SGMS1: variants seen among roughly 807,000 people sequenced by gnomAD.
SGMS1 encodes the protein sphingomyelin synthase 1.
SGMS1 carries 13 observed loss-of-function variants against 46.2 expected under a neutral mutation model. That is an observed-to-expected ratio of 0.28 (90% CI 0.18 to 0.45). The LOEUF (loss-of-function observed/expected upper bound fraction) is 0.45, where lower values mean the gene tolerates loss of function less well. Among genes scored for constraint, SGMS1 ranks in the 20% least tolerant of loss-of-function variants. SGMS1 has a pLI of 1.00. For synonymous variants in SGMS1, 203 were observed against 187.8 expected, an observed-to-expected ratio of 1.08 and a Z score of -0.66; for missense variants, 324 against 519.9, an observed-to-expected ratio of 0.62 and a Z score of 3.66.
At chr10:50,347,153 C>A (rs1402833330) in intron 6 of SGMS1, among the ~76,000 whole-genome samples, 1 of 152,164 alleles carries the variant, frequency 6.6e-6, no homozygotes, top group East Asian at 1.9e-4. Context: ...TGTCTAGACT[C>A]CCCAAAGAGC....
Position 50,307,144 on chromosome 10 carries a change from A to G in SGMS1, c.1240T>C (p.Ter414GlnextTer25). Reference sequence around the variant, plus strand: ...CTTTTCCCCACTTTGTACAGCTGTTATGTGTCATTCACCAGCCGGCTGTAT... The same window carrying G: ...CTTTTCCCCACTTTGTACAGCTGTTGTGTGTCATTCACCAGCCGGCTGTAT... The part of the protein sequence containing the change: ...VKYSRLVNDT[*>Q] Residue 414 changes from the stop codon to glutamine (Q), a stop_lost, in exon 11 of 11, where the codon TAA becomes CAA. Transcript: ENST00000361781. The surrounding 1 kb of genome is among the most constrained non-coding windows in gnomAD (Gnocchi z 4.2). 6.2e-7 allele frequency: 1 copy of G among 1,613,750 alleles called. No individual in the cohort carries two copies. Among genetic ancestry groups the G allele is most frequent in the Non-Finnish European group, 8.5e-7 (1 of 1,179,868 alleles).
chr10:50,477,736 A>C (rs1837440286), intron 3 of SGMS1, among the ~76,000 whole-genome samples: 1 of 152,054 alleles, frequency 6.6e-6, no homozygotes, highest in Admixed American at 6.6e-5. Flanking sequence ...TAGAGTTCTC[A>C]CAAGATCTGC....
intron 8 of SGMS1, among the ~76,000 whole-genome samples, chr10:50,323,824 C>T (rs532974662): frequency 2.4e-4 from 36 of 152,280 alleles, no homozygotes; most frequent in Non-Finnish European, 1.5e-5. Context: ...AAGTCTGTTT[C>T]TTCCTCTCCA....
At chr10:50,322,232 CTT>C (rs902901827) in intron 8 of SGMS1, among the ~76,000 whole-genome samples, 2 of 152,168 alleles carry the variant, frequency 1.3e-5, no homozygotes, top group African/African-American at 4.8e-5. Flanking sequence ...TACTCTCTCT[CTT>C]CTCAAAGGTT....
intron 2 of SGMS1, among the ~76,000 whole-genome samples, chr10:50,574,963 G>GTA (rs143713324): frequency 0.026 from 2,605 of 99,838 alleles, 123 homozygotes; most frequent in African/African-American, 0.063. Flanking sequence ...AAAATGTGGT[G>GTA]TATATATATA....
intron 6 of SGMS1, among the ~76,000 whole-genome samples, chr10:50,423,134 G>T (rs993351641): frequency 1.3e-5 from 2 of 152,224 alleles, no homozygotes; most frequent in Non-Finnish European, 2.9e-5. Flanking sequence ...CAAAAGCAAG[G>T]TGAGCCACAT....
rs572063476 is a variant in SGMS1, at chr10:50,583,397, C to A, written c.-589+6756G>T. 1.2e-4 allele frequency among the ~76,000 whole-genome samples: 18 copies of A among 152,292 alleles called. 1 individual carries two copies. In the South Asian group the frequency reaches 2.9e-3, roughly 25 times the overall value. Reference sequence around the variant, plus strand: ...GATTCACCCTTGGAGGGAACCATTCCCAGCTATCATCAGTTCATGCTTCAC... The same window carrying A: ...GATTCACCCTTGGAGGGAACCATTCACAGCTATCATCAGTTCATGCTTCAC... On this transcript the variant is annotated intron_variant, in intron 2 of 10. Transcript: ENST00000361781.
chr10:50,310,686 T>A (rs1847239949), intron 9 of SGMS1, among the ~76,000 whole-genome samples: 1 of 152,212 alleles, frequency 6.6e-6, no homozygotes, highest in South Asian at 2.1e-4. Flanking sequence ...ATATATTAAA[T>A]CTGAGCCATG....
intron 7 of SGMS1, among the ~76,000 whole-genome samples, chr10:50,328,306 C>T (rs1847561627): frequency 6.6e-6 from 1 of 152,164 alleles, no homozygotes; most frequent in African/African-American, 2.4e-5. Context: ...TGTGGGTCTC[C>T]TCTTCCTTAA....
chr10:50,600,385 A>C (rs1191817788), intron 1 of SGMS1, among the ~76,000 whole-genome samples: 1 of 152,210 alleles, frequency 6.6e-6, no homozygotes, highest in Non-Finnish European at 1.5e-5. Context: ...GGGGACAATC[A>C]CATTCTCCAT....
chr10:50,444,832 C>A (rs534679266), intron 5 of SGMS1, among the ~76,000 whole-genome samples: 3 of 152,080 alleles, frequency 2.0e-5, no homozygotes, highest in African/African-American at 7.2e-5. Context: ...ATGAGGTAGA[C>A]AAAATACTAC....
chr10:50,353,929 T>C (rs1210064405), intron 6 of SGMS1, among the ~76,000 whole-genome samples: 2 of 151,998 alleles, frequency 1.3e-5, no homozygotes, highest in African/African-American at 2.4e-5. Context: ...CACTGCTCAA[T>C]GAAATAAAAG....
intron 2 of SGMS1, among the ~76,000 whole-genome samples, chr10:50,573,544 T>C (rs1242910200): frequency 6.6e-6 from 1 of 152,154 alleles, no homozygotes; most frequent in South Asian, 2.1e-4. Context: ...ATTTCGTGTA[T>C]TCATGGATAG....
At chr10:50,381,236 T>C (rs1848600808) in intron 6 of SGMS1, among the ~76,000 whole-genome samples, 1 of 148,884 alleles carries the variant, frequency 6.7e-6, no homozygotes, top group Admixed American at 6.7e-5. Context: ...TCCCATGGTA[T>C]ATGAAAAAGT....
intron 6 of SGMS1, among the ~76,000 whole-genome samples, chr10:50,390,636 T>G (rs1299415323): frequency 2.0e-5 from 3 of 148,958 alleles, no homozygotes; most frequent in Non-Finnish European, 4.5e-5. Context: ...AGACCCTGCC[T>G]CTTAAGAAAA....
At chr10:50,550,695 C>T (rs567419852) in intron 2 of SGMS1, among the ~76,000 whole-genome samples, 1 of 152,286 alleles carries the variant, frequency 6.6e-6, no homozygotes, top group African/African-American at 2.4e-5. Context: ...CCTTTGACAA[C>T]TTTTACCTCT....
intron 8 of SGMS1, among the ~76,000 whole-genome samples, chr10:50,319,307 C>CT (rs555003803): frequency 6.6e-6 from 1 of 152,124 alleles, no homozygotes; most frequent in Admixed American, 6.5e-5. Context: ...CTTTCTCTCA[C>CT]TTTTTTTCCT....
chr10:50,477,988 CAG>C (rs1398278155), intron 3 of SGMS1, among the ~76,000 whole-genome samples: 1 of 152,150 alleles, frequency 6.6e-6, no homozygotes, highest in Non-Finnish European at 1.5e-5. Flanking sequence ...GCAAATCAGA[CAG>C]AGTGATACAG....
Position 50,385,765 on chromosome 10 carries a change from C to T in SGMS1, c.-231-41420G>A, listed in dbSNP as rs540453274. Among the ~76,000 whole-genome samples the T allele has an allele frequency of 2.7e-3, 414 of 152,244 alleles. 2 individuals carry two copies. The highest frequency in any genetic ancestry group is 0.017 in the Middle Eastern group (5 of 294). On this transcript the variant is annotated intron_variant, in intron 6 of 10. Transcript: ENST00000361781. Reference sequence around the variant, plus strand: ...CCGTGTGACAGCCAATGGCATGTCTCTCTTGTTTCATTTTATTTTTTCCTT... The same window carrying T: ...CCGTGTGACAGCCAATGGCATGTCTTTCTTGTTTCATTTTATTTTTTCCTT...
Sources: gnomAD v4.1 joint callset for allele counts (sites outside exome capture counted in the v4.1 genomes callset) on GRCh38, gnomAD v4.1.1 for gene constraint, Gnocchi (gnomAD v3.1) non-coding constraint, MANE v1.5 for transcripts, NCBI Gene and HGNC (gene_info 2026-07-23, HGNC 2026-07-21) for gene names.